Variants in CNBD1 observed in about 807,000 individuals in gnomAD.
CNBD1 encodes the protein cyclic nucleotide binding domain containing 1.
A neutral mutation model predicts 54.4 loss-of-function variants in CNBD1; 71 were observed. The ratio of observed to expected loss-of-function variants is 1.30; its 90% CI spans 1.08 to 1.59. The LOEUF is 1.59. Ranked by LOEUF, CNBD1 falls within the 40% of genes most tolerant of loss-of-function variation. The pLI is 0.00. For missense variants in CNBD1, 659 were observed against 518.0 expected, an observed-to-expected ratio of 1.27 and a Z score of -2.64; for synonymous variants, 182 against 170.7, an observed-to-expected ratio of 1.07 and a Z score of -0.51.
intron 5 of CNBD1, among the ~76,000 whole-genome samples, chr8:87,221,018 T>G (rs1233700984): frequency 6.6e-6 from 1 of 152,124 alleles, no homozygotes; most frequent in Non-Finnish European, 1.5e-5. Context: ...ACTGTGGCTG[T>G]CCTGGCCAAG....
At chr8:86,899,559 T>A (rs1399151803) in intron 2 of CNBD1, among the ~76,000 whole-genome samples, 2 of 152,172 alleles carry the variant, frequency 1.3e-5, no homozygotes, top group Non-Finnish European at 2.9e-5. Context: ...TTGTTATTAA[T>A]CATCATTGTG....
intron 4 of CNBD1, among the ~76,000 whole-genome samples, chr8:87,012,345 C>T (rs896323592): frequency 2.0e-5 from 3 of 152,156 alleles, no homozygotes; most frequent in Admixed American, 1.3e-4. Flanking sequence ...TCATGCCCCA[C>T]AAACCACAAA....
chr8:87,102,884 G>T (rs547803993), intron 4 of CNBD1, among the ~76,000 whole-genome samples: 1 of 152,106 alleles, frequency 6.6e-6, no homozygotes, highest in Admixed American at 6.6e-5. Context: ...AAAGTGCTGG[G>T]GTTACAGGTG....
chr8:87,246,863 A>G (rs931546176), intron 6 of CNBD1, among the ~76,000 whole-genome samples: 1 of 152,016 alleles, frequency 6.6e-6, no homozygotes, highest in African/African-American at 2.4e-5. Context: ...TTATTATTAT[A>G]TTGTAATATA....
intron 6 of CNBD1, among the ~76,000 whole-genome samples, chr8:87,241,244 G>T (rs1393830491): frequency 1.3e-5 from 2 of 149,782 alleles, no homozygotes; most frequent in Non-Finnish European, 2.9e-5. Flanking sequence ...AATAGCATTG[G>T]GCACAAAAAT....
chr8:86,916,956 C>T (rs1809196149), intron 3 of CNBD1, among the ~76,000 whole-genome samples: 2 of 151,648 alleles, frequency 1.3e-5, no homozygotes, highest in Non-Finnish European at 2.9e-5. Flanking sequence ...CTGCACCCTC[C>T]ACCTCCTGGG....
At chr8:87,066,113 C>T (rs16896799) in intron 4 of CNBD1, among the ~76,000 whole-genome samples, 7,101 of 152,014 alleles carry the variant, frequency 0.047, 557 homozygotes, top group African/African-American at 0.16. Context: ...CAGACATAGT[C>T]ACAATACTAG....
intron 4 of CNBD1, among the ~76,000 whole-genome samples, chr8:87,170,216 T>C (rs1586304218): frequency 6.6e-6 from 1 of 152,282 alleles, no homozygotes; most frequent in Non-Finnish European, 1.5e-5. Context: ...CTGTTCTCTG[T>C]TAGCATATAG....
chr8:86,896,531 A>G (rs1462727110), intron 2 of CNBD1, among the ~76,000 whole-genome samples: 1 of 152,040 alleles, frequency 6.6e-6, no homozygotes, highest in Non-Finnish European at 1.5e-5. Context: ...TCTTGGTTTA[A>G]TTTATTACTA....
chr8:87,268,237 G>T (rs1367085831), intron 6 of CNBD1, among the ~76,000 whole-genome samples: 4 of 152,204 alleles, frequency 2.6e-5, no homozygotes, highest in Non-Finnish European at 5.9e-5. Flanking sequence ...AATTTACTTA[G>T]ATAATGGCCT....
intron 8 of CNBD1, among the ~76,000 whole-genome samples, chr8:87,334,510 C>A (rs1046212118): frequency 2.6e-5 from 4 of 151,884 alleles, no homozygotes; most frequent in Non-Finnish European, 4.4e-5. Context: ...CCGATGTGGG[C>A]ATTTAGTGCT....
chr8:86,873,126 A>T (rs1586102245), intron 1 of CNBD1, among the ~76,000 whole-genome samples: 1 of 141,076 alleles, frequency 7.1e-6, no homozygotes. Flanking sequence ...TTTGAGATGG[A>T]GTTTCACTCT....
chr8:87,402,323 C>G (rs1807579033), intron 2 of CNBD1, among the ~76,000 whole-genome samples: 1 of 151,896 alleles, frequency 6.6e-6, no homozygotes, highest in African/African-American at 2.4e-5. Context: ...CAAACAATAC[C>G]AGAAGGTTTT....
chr8:87,190,190 G>T (rs1813568620), intron 4 of CNBD1, among the ~76,000 whole-genome samples: 2 of 152,006 alleles, frequency 1.3e-5, no homozygotes, highest in Non-Finnish European at 2.9e-5. Context: ...TAAGGTCCAG[G>T]GATTTTAGCT....
intron 4 of CNBD1, among the ~76,000 whole-genome samples, chr8:87,115,054 G>A (rs1378414849): frequency 6.6e-6 from 1 of 152,158 alleles, no homozygotes; most frequent in East Asian, 1.9e-4. Context: ...GTTACTTTTG[G>A]AGAATATTGG....
chr8:87,329,557 A>G (rs1235575893), intron 8 of CNBD1, among the ~76,000 whole-genome samples: 1 of 152,148 alleles, frequency 6.6e-6, no homozygotes, highest in East Asian at 1.9e-4. Context: ...CCAGTTATAT[A>G]GTACTTCTTT....
chr8:87,039,894 G>A (rs1249371829), intron 4 of CNBD1, among the ~76,000 whole-genome samples: 1 of 152,126 alleles, frequency 6.6e-6, no homozygotes, highest in Non-Finnish European at 1.5e-5. Context: ...TGATTTCATA[G>A]GGAGTCAATG....
At chr8:87,230,617 T>G (rs374081917) in intron 5 of CNBD1, among the ~76,000 whole-genome samples, 1 of 152,176 alleles carries the variant, frequency 6.6e-6, no homozygotes, top group African/African-American at 2.4e-5. Flanking sequence ...ATCTGCAATA[T>G]GCAGTAACAA....
chr8:87,227,672 C>T (rs1377155736), intron 5 of CNBD1, among the ~76,000 whole-genome samples: 1 of 144,144 alleles, frequency 6.9e-6, no homozygotes, highest in African/African-American at 2.7e-5. Context: ...CTGCCCTTAA[C>T]ATTTTTTCCT....
Sources: gnomAD v4.1 joint callset for allele counts (sites outside exome capture counted in the v4.1 genomes callset) on GRCh38, gnomAD v4.1.1 for gene constraint, MANE v1.5 for transcripts, NCBI Gene and HGNC (gene_info 2026-07-23, HGNC 2026-07-21) for gene names.